Variants in DNAJC24 observed in about 807,000 individuals in gnomAD.
The protein encoded by DNAJC24 is dnaJ homolog subfamily C member 24.
In DNAJC24, 17 loss-of-function variants were observed where a neutral mutation model predicts 18.0. That is an observed-to-expected ratio of 0.94 (90% confidence interval 0.65 to 1.42). The LOEUF (loss-of-function observed/expected upper bound fraction) is 1.42. Ranked by LOEUF, DNAJC24 falls within the 40% of genes most tolerant of loss-of-function variation. The probability of loss-of-function intolerance (pLI) is 0.00; values close to 1 mark genes in which losing one functional copy is unlikely to be tolerated. For synonymous variants in DNAJC24, 55 were observed against 57.7 expected, an observed-to-expected ratio of 0.95 and a Z score of 0.21; for missense variants, 158 against 175.6, an observed-to-expected ratio of 0.90 and a Z score of 0.57.
chr11:31,390,705 T>TAAAAAAA (rs34050503), intron 2 of DNAJC24, among the ~76,000 whole-genome samples: 1 of 114,092 alleles, frequency 8.8e-6, no homozygotes, highest in Non-Finnish European at 1.8e-5. Context: ...GATTCCATCT[T>TAAAAAAA]AAAAAAAAAA....
intron 2 of DNAJC24, chr11:31,408,169 A>G (rs1233703649): frequency 4.4e-6 from 2 of 456,160 alleles, no homozygotes; most frequent in Admixed American, 2.3e-5. Context: ...CATCTGTCAC[A>G]GGAAAATTTT....
chr11:31,407,966 AGCATCTTCATCT>A, intron 2 of DNAJC24: 2 of 376,810 alleles, frequency 5.3e-6, no homozygotes, highest in Non-Finnish European at 1.0e-5. Flanking sequence ...ACATTTCATC[AGCATCTTCATCT>A]GTGACATAAG....
chr11:31,383,408 G>A (rs1952397721), intron 2 of DNAJC24, among the ~76,000 whole-genome samples: 1 of 152,134 alleles, frequency 6.6e-6, no homozygotes. Context: ...GGTTTTAGGA[G>A]CTGTTTGCCA....
chr11:31,402,290 A>G (rs767264316), intron 2 of DNAJC24, among the ~76,000 whole-genome samples: 3 of 152,160 alleles, frequency 2.0e-5, no homozygotes, highest in Admixed American at 2.0e-4. Flanking sequence ...ATTAAAAATG[A>G]TACATACCTG....
chr11:31,409,856 A>G (rs1234781194), intron 2 of DNAJC24, among the ~76,000 whole-genome samples: 1 of 150,294 alleles, frequency 6.7e-6, no homozygotes, highest in African/African-American at 2.4e-5. Flanking sequence ...TCTTATCAAC[A>G]CTTGGTGTTA....
intron 3 of DNAJC24, among the ~76,000 whole-genome samples, chr11:31,418,737 A>G (rs1952775759): frequency 6.6e-6 from 1 of 152,080 alleles, no homozygotes; most frequent in Admixed American, 6.6e-5. Flanking sequence ...GTTGGGCCAG[A>G]TACTGTAAAG....
intron 3 of DNAJC24, among the ~76,000 whole-genome samples, chr11:31,418,530 T>C (rs1952773010): frequency 6.6e-6 from 1 of 152,128 alleles, no homozygotes; most frequent in Non-Finnish European, 1.5e-5. Context: ...TTCTCTGTGA[T>C]CTGAAGAGTA....
rs1451233619 is a variant in DNAJC24 at position 31,392,942 on chromosome 11, C to T, written c.112-21869C>T. 7.2e-5 allele frequency among the ~76,000 whole-genome samples: 11 copies of T among 152,098 alleles called. No individual in the cohort carries two copies. The East Asian group carries it at 2.1e-3, about 29-fold the overall frequency. On this transcript the variant is annotated intron_variant, in intron 2 of 4. Transcript: ENST00000465995. ...GGGATTAAAGGTGTGAGCCACTGTG[C>T]CACGCCTCCCTTACTTCTTTCACAA...
intron 2 of DNAJC24, among the ~76,000 whole-genome samples, chr11:31,383,333 G>A (rs967782131): frequency 3.9e-5 from 6 of 152,004 alleles, no homozygotes; most frequent in African/African-American, 1.2e-4. Context: ...AGCTGCCTAG[G>A]GGCCCCCAGC....
rs567611147 is a variant in DNAJC24, at chr11:31,408,242, G to A, written c.112-6569G>A. ...TTGTTTTAAGCAGTCAAGGCAAACAGTGTGCTTCTCAAATTTTAGCACGCG... is the reference window on the plus strand; with the variant it reads ...TTGTTTTAAGCAGTCAAGGCAAACAATGTGCTTCTCAAATTTTAGCACGCG... On this transcript the variant is annotated intron_variant, in intron 2 of 4. Transcript: ENST00000465995. 211 of 455,098 alleles carry A rather than the reference G, an allele frequency of 4.6e-4. 1 individual carries two copies. The highest frequency in any genetic ancestry group is 2.8e-3 in the South Asian group (179 of 64,256). 28.2% of individuals were successfully genotyped at this position (455,098 alleles called of 1,614,324 possible). A position where few individuals can be genotyped will look rare whatever the true frequency, so the allele number is the denominator to read the frequency against.
chr11:31,404,480 A>G (rs924243215), intron 2 of DNAJC24, among the ~76,000 whole-genome samples: 3 of 152,042 alleles, frequency 2.0e-5, no homozygotes, highest in Admixed American at 2.0e-4. Flanking sequence ...CTTTATTTGC[A>G]AGCTGGGGGT....
In DNAJC24 at chr11:31,432,353, A is replaced by T; in HGVS notation, c.*1952A>T. On this transcript the variant is annotated 3_prime_UTR_variant, in exon 5 of 5. Transcript: ENST00000465995. ...TTTTGAACTAACAGAACTTGGCAGA[A>T]TGTGTGTTGAATATTCTTTACATTT... is the stretch of plus-strand genomic sequence containing the variant. 1 of 554,896 alleles carries T rather than the reference A, an allele frequency of 1.8e-6. No homozygotes were observed. The highest frequency in any genetic ancestry group is 3.0e-5 in the East Asian group (1 of 33,608). The allele number at this position is 554,896 out of a possible 1,614,324, so 34.4% of individuals were successfully genotyped here.
chr11:31,388,652 G>A (rs1286301947), intron 2 of DNAJC24, among the ~76,000 whole-genome samples: 3 of 152,120 alleles, frequency 2.0e-5, no homozygotes, highest in Non-Finnish European at 4.4e-5. Flanking sequence ...GTACATTAAT[G>A]AGCAATAAGA....
Position 31,432,427 on chromosome 11 carries a change from T to A in DNAJC24, c.*2026T>A. 3 of 1,020,690 alleles carry A rather than the reference T, an allele frequency of 2.9e-6. 1 individual carries two copies. The South Asian group carries it at 3.9e-5, about 13-fold the overall frequency. 63.2% of individuals were successfully genotyped at this position (1,020,690 alleles called of 1,614,324 possible). A position where few individuals can be genotyped will look rare whatever the true frequency, so the allele number is the denominator to read the frequency against. On this transcript the variant is annotated 3_prime_UTR_variant, in exon 5 of 5. Transcript: ENST00000465995. ...GAATAGCAAATAGTTTATTGGTAAG[T>A]ACACGGTTTCAACGGGAGTAATAAA...
intron 4 of DNAJC24, chr11:31,429,409 GAGACTTATT>G: frequency 2.9e-6 from 1 of 345,094 alleles, no homozygotes; most frequent in Non-Finnish European, 6.4e-6. Flanking sequence ...TGAGTCCTTT[GAGACTTATT>G]TATGTAATAA....
intron 2 of DNAJC24, chr11:31,408,300 G>A (rs1952675135): frequency 2.4e-6 from 1 of 418,426 alleles, no homozygotes; most frequent in East Asian, 7.1e-5. Context: ...GTGAAACAGA[G>A]ATTCTGGAGT....
intron 2 of DNAJC24, among the ~76,000 whole-genome samples, chr11:31,387,664 T>A (rs531125482): frequency 6.6e-6 from 1 of 152,266 alleles, no homozygotes; most frequent in Admixed American, 6.5e-5. Flanking sequence ...AAGCACAGAC[T>A]ACAAAGACTG....
intron 2 of DNAJC24, among the ~76,000 whole-genome samples, chr11:31,396,801 A>G (rs537408422): frequency 2.8e-4 from 43 of 152,308 alleles, no homozygotes; most frequent in African/African-American, 9.1e-4. Context: ...AAAACTCTCT[A>G]TGATTTGACC....
In DNAJC24 at chr11:31,396,462, G is replaced by T. The variant is rs150916910; in HGVS notation, c.112-18349G>T. 175 of 311,180 alleles carry T rather than the reference G, an allele frequency of 5.6e-4. 1 individual carries two copies. Among genetic ancestry groups the T allele is most frequent in the South Asian group, 4.2e-3 (141 of 33,902 alleles). The allele number at this position is 311,180 out of a possible 1,614,324, so 19.3% of individuals were successfully genotyped here. ...TTAGAGGAGTTCATAACTCAAAAAGGTTAAGACAGACTGCTCTCTGTGTAT... is the reference window on the plus strand; with the variant it reads ...TTAGAGGAGTTCATAACTCAAAAAGTTTAAGACAGACTGCTCTCTGTGTAT... On this transcript the variant is annotated intron_variant, in intron 2 of 4. Transcript: ENST00000465995.
Sources: gnomAD v4.1 joint callset for allele counts (sites outside exome capture counted in the v4.1 genomes callset) on GRCh38, gnomAD v4.1.1 for gene constraint, MANE v1.5 for transcripts, NCBI Gene and HGNC (gene_info 2026-07-23, HGNC 2026-07-21) for gene names.